PAX5: variants seen among roughly 807,000 people sequenced by gnomAD.
The protein encoded by PAX5 is paired box 5.
A neutral mutation model predicts 43.7 loss-of-function variants in PAX5; 9 were observed. The ratio of observed to expected loss-of-function variants is 0.21; its 90% CI spans 0.12 to 0.36. PAX5 has a LOEUF of 0.36. Ranked by LOEUF, PAX5 falls within the 10% of genes least tolerant of loss-of-function variation. The pLI is 1.00. For synonymous variants in PAX5, 228 were observed against 214.3 expected (o/e 1.06, Z -0.56); for missense variants, 383 against 532.7 (o/e 0.72, Z 2.77).
At chr9:37,002,867 G>A in intron 4 of PAX5, 91 bp from the exon 5 acceptor site, 1 of 1,462,444 alleles carries the variant, frequency 6.8e-7, no homozygotes, top group Non-Finnish European at 9.2e-7. Flanking sequence ...GCGGCTGGGA[G>A]GGAGCGAGCG....
chr9:37,030,887 C>A (rs890672676), intron 1 of PAX5, among the ~76,000 whole-genome samples: 4 of 152,208 alleles, frequency 2.6e-5, no homozygotes, highest in Non-Finnish European at 5.9e-5. Context: ...AAAGTGAGGC[C>A]CAATAGGGCT....
At chr9:37,026,825 C>G (rs1269213652) in intron 1 of PAX5, 3 of 610,870 alleles carry the variant, frequency 4.9e-6, no homozygotes, top group Non-Finnish European at 6.2e-6. Context: ...TGGCTTCCCT[C>G]CCTGGCTGGC....
At chr9:36,970,887 G>T (rs780461446) in intron 5 of PAX5, among the ~76,000 whole-genome samples, 3 of 152,146 alleles carry the variant, frequency 2.0e-5, no homozygotes, top group Non-Finnish European at 4.4e-5. Context: ...CCCACACTGT[G>T]CTATGAGCTA....
chr9:36,939,838 C>T (rs975944915), intron 6 of PAX5, among the ~76,000 whole-genome samples: 1 of 152,150 alleles, frequency 6.6e-6, no homozygotes, highest in Non-Finnish European at 1.5e-5. Context: ...AGAGAGCGCT[C>T]GCGTGCGGGT....
chr9:36,957,944 A>G (rs537106303), intron 6 of PAX5, among the ~76,000 whole-genome samples: 110 of 152,246 alleles, frequency 7.2e-4, no homozygotes, highest in African/African-American at 2.5e-3. Context: ...CCACCTAAGG[A>G]GGACATTTTC....
At chr9:36,885,913 C>T (rs1199718267) in intron 7 of PAX5, among the ~76,000 whole-genome samples, 1 of 152,154 alleles carries the variant, frequency 6.6e-6, no homozygotes, top group Admixed American at 6.5e-5. Flanking sequence ...CCCTTTGCAG[C>T]TCTTCCTGCT....
chr9:36,948,760 C>G (rs531405209), intron 6 of PAX5, among the ~76,000 whole-genome samples: 2 of 152,074 alleles, frequency 1.3e-5, no homozygotes, highest in East Asian at 3.9e-4. Context: ...GTCTCTCATT[C>G]CCTCCCACCA....
chr9:36,916,904 C>G (rs1274467045), intron 7 of PAX5, among the ~76,000 whole-genome samples: 1 of 152,106 alleles, frequency 6.6e-6, no homozygotes, highest in Admixed American at 6.5e-5. Flanking sequence ...AGGCTGATCT[C>G]AAACTCCTGA....
chr9:36,894,187 C>A (rs753954984), intron 7 of PAX5, among the ~76,000 whole-genome samples: 44 of 152,172 alleles, frequency 2.9e-4, no homozygotes, highest in Non-Finnish European at 5.1e-4. Context: ...AGTCCCGGGG[C>A]TGGTCCGAAA....
chr9:36,950,757 T>C (rs1588061452), intron 6 of PAX5, among the ~76,000 whole-genome samples: 2 of 113,354 alleles, frequency 1.8e-5, no homozygotes, highest in Admixed American at 1.8e-4. Context: ...TTTTTTTTTT[T>C]TGAGATGGAG....
At chr9:36,876,509 A>G (rs1458209002) in intron 8 of PAX5, among the ~76,000 whole-genome samples, 1 of 152,250 alleles carries the variant, frequency 6.6e-6, no homozygotes, top group Admixed American at 6.5e-5. Flanking sequence ...CCTCTAGCCC[A>G]GAATTTGTCA....
At chr9:36,847,241 A>C (rs1822679874) in intron 8 of PAX5, among the ~76,000 whole-genome samples, 1 of 152,144 alleles carries the variant, frequency 6.6e-6, no homozygotes, top group Non-Finnish European at 1.5e-5. Context: ...CTCATTTTAC[A>C]TATGAGAAGG....
At chr9:36,975,705 C>T (rs536415587) in intron 5 of PAX5, among the ~76,000 whole-genome samples, 3 of 152,272 alleles carry the variant, frequency 2.0e-5, no homozygotes, top group Admixed American at 1.3e-4. Context: ...TCTTTAACTG[C>T]TCTAATCCTC....
chr9:37,019,577 G>A (rs1839688085), intron 2 of PAX5, among the ~76,000 whole-genome samples: 1 of 152,230 alleles, frequency 6.6e-6, no homozygotes, highest in East Asian at 1.9e-4. Context: ...GCAGATGAAA[G>A]GGAAGGAGCC....
In PAX5 at chr9:36,834,899, C is replaced by G. The variant is rs1821536451; in HGVS notation, c.*5661G>C. 1 of 231,898 alleles carries G rather than the reference C, an allele frequency of 4.3e-6. No individual in the cohort carries two copies. Among genetic ancestry groups the G allele is most frequent in the East Asian group, 6.1e-5 (1 of 16,350 alleles). 14.4% of individuals were successfully genotyped at this position (231,898 alleles called of 1,614,324 possible). On this transcript the variant is annotated 3_prime_UTR_variant, in exon 10 of 10. Transcript: ENST00000358127. ...GCTGGTGTGGCCTCCTCCTGCCAGG[C>G]CTCAGAGTCGGGGAGGAGATGCACG...
At chr9:36,879,513 C>A (rs10973115) in intron 8 of PAX5, among the ~76,000 whole-genome samples, 7,350 of 152,204 alleles carry the variant, frequency 0.048, 202 homozygotes, top group East Asian at 0.1. Flanking sequence ...TCAGAGAGCA[C>A]ACCCAGGCAG....
chr9:37,024,996 C>G (rs937205593), intron 1 of PAX5, among the ~76,000 whole-genome samples: 2 of 152,324 alleles, frequency 1.3e-5, no homozygotes, highest in South Asian at 2.1e-4. Flanking sequence ...ATTGCCCTAA[C>G]TGGTTTGTTT....
At chr9:36,981,983 G>A (rs944661512) in intron 5 of PAX5, among the ~76,000 whole-genome samples, 5 of 152,348 alleles carry the variant, frequency 3.3e-5, no homozygotes, top group African/African-American at 9.6e-5. Context: ...AAAGAACAAG[G>A]GATGGACCCT....
chr9:36,936,311 T>C (rs1033183847), intron 6 of PAX5, among the ~76,000 whole-genome samples: 2 of 152,186 alleles, frequency 1.3e-5, no homozygotes, highest in Non-Finnish European at 2.9e-5. Context: ...CTGGGAAACC[T>C]CTGCACCTGC....
Sources: gnomAD v4.1 joint callset for allele counts (sites outside exome capture counted in the v4.1 genomes callset) on GRCh38, gnomAD v4.1.1 for gene constraint, MANE v1.5 for transcripts, NCBI Gene and HGNC (gene_info 2026-07-23, HGNC 2026-07-21) for gene names.